FAM229B: variants seen among roughly 807,000 people sequenced by gnomAD.
FAM229B encodes family with sequence similarity 229 member B, also known as protein FAM229B.
FAM229B carries 2 observed loss-of-function variants against 6.7 expected under a neutral mutation model. That is an observed-to-expected ratio of 0.30 (90% confidence interval 0.12 to 0.94). The LOEUF is 0.94. Ranked by LOEUF, FAM229B falls within the 40% of genes least tolerant of loss-of-function variation. The pLI is 0.54. For missense variants in FAM229B, 93 were observed against 96.2 expected (o/e 0.97, Z 0.14); for synonymous variants, 29 against 34.0 (o/e 0.85, Z 0.51).
At chr6:112,089,150 GT>G (rs1777222860) in intron 1 of FAM229B, among the ~76,000 whole-genome samples, 1 of 152,156 alleles carries the variant, frequency 6.6e-6, no homozygotes. Context: ...AAATTTTGGG[GT>G]GCAGTTTTAT....
intron 2 of FAM229B, 108 bp downstream of exon 2, chr6:112,097,309 G>A (rs1777339293): frequency 6.6e-6 from 1 of 152,134 alleles, no homozygotes; most frequent in Non-Finnish European, 1.5e-5. Context: ...TCATCATTGA[G>A]CGAAACACTT....
Position 112,091,602 on chromosome 6 carries a change from A to AG in FAM229B, c.-176+3883dup, listed in dbSNP as rs1777257935. On this transcript the variant is annotated intron_variant, in intron 1 of 3. Coordinates refer to ENST00000368656, the MANE Select transcript of FAM229B (RefSeq NM_001033564.3). ...CCAAAGAACCAGGCTGTTTCCAAAT[A>AG]GCTGTGTCCCAGAACAAAACTTAAA... is the stretch of plus-strand genomic sequence containing the variant. Among the ~76,000 whole-genome samples the AG allele has an allele frequency of 2.6e-5, 4 of 152,310 alleles. No homozygotes were observed. In the South Asian group the frequency reaches 8.3e-4, roughly 32 times the overall value.
intron 2 of FAM229B, among the ~76,000 whole-genome samples, chr6:112,098,870 A>G (rs1554318922): frequency 6.6e-6 from 1 of 152,154 alleles, no homozygotes; most frequent in East Asian, 1.9e-4. Context: ...GCTATTTTGT[A>G]TTTTTTGCAA....
At chr6:112,091,000 C>T (rs111688474) in intron 1 of FAM229B, among the ~76,000 whole-genome samples, 7,547 of 152,172 alleles carry the variant, frequency 0.05, 619 homozygotes, top group African/African-American at 0.17. Flanking sequence ...TTTCTGATCT[C>T]TATCCCTGTC....
At chr6:112,097,945 C>G (rs1777348430) in intron 2 of FAM229B, among the ~76,000 whole-genome samples, 1 of 152,344 alleles carries the variant, frequency 6.6e-6, no homozygotes, top group African/African-American at 2.4e-5. Flanking sequence ...TTGCCTCTCT[C>G]TCCCACCAGG....
chr6:112,099,488 G>A, intron 3 of FAM229B, 80 bp downstream of exon 3: 1 of 1,372,168 alleles, frequency 7.3e-7, no homozygotes, highest in Admixed American at 2.5e-5. Context: ...TTCATTATTA[G>A]CAAGAAAAAA....
chr6:112,094,408 G>C (rs1777296694), intron 1 of FAM229B, among the ~76,000 whole-genome samples: 1 of 152,152 alleles, frequency 6.6e-6, no homozygotes, highest in Non-Finnish European at 1.5e-5. Flanking sequence ...TTTCCATGCT[G>C]TGGTTATGCT....
Position 112,100,790 on chromosome 6 carries a change from C to T in FAM229B, c.*3C>T, listed in dbSNP as rs1777388634. On this transcript the variant is annotated 3_prime_UTR_variant, in exon 4 of 4. Transcript: ENST00000368656. ...GCAAGGAAATGCATCCTAAATAGCACCATTAAGTCTTTTGTCAAGGTCTGA... is the reference window on the plus strand; with the variant it reads ...GCAAGGAAATGCATCCTAAATAGCATCATTAAGTCTTTTGTCAAGGTCTGA... 6.2e-7 allele frequency: 1 copy of T among 1,604,340 alleles called. No individual in the cohort carries two copies.
chr6:112,090,232 C>T (rs1174884190), intron 1 of FAM229B, among the ~76,000 whole-genome samples: 3 of 152,186 alleles, frequency 2.0e-5, no homozygotes, highest in Non-Finnish European at 4.4e-5. Flanking sequence ...TGCTTGCACA[C>T]CGCCATTTCT....
At chr6:112,091,904 G>C (rs781404305) in intron 1 of FAM229B, among the ~76,000 whole-genome samples, 6 of 152,068 alleles carry the variant, frequency 3.9e-5, no homozygotes, top group Admixed American at 3.9e-4. Context: ...ATCCCAATTA[G>C]ACTTCTAGAG....
chr6:112,098,701 G>A (rs943338621), intron 2 of FAM229B, among the ~76,000 whole-genome samples: 1 of 152,224 alleles, frequency 6.6e-6, no homozygotes. Context: ...CTTGGTGAAT[G>A]TGAAACTGTG....
chr6:112,098,026 G>C (rs868981296), intron 2 of FAM229B, among the ~76,000 whole-genome samples: 1 of 152,192 alleles, frequency 6.6e-6, no homozygotes, highest in Non-Finnish European at 1.5e-5. Flanking sequence ...TTTGCATCCA[G>C]TGGGTAAAGG....
In FAM229B at chr6:112,099,401, C is replaced by T; in HGVS notation, c.118C>T (p.Pro40Ser). ...SAACNGKEMSPTRQLRRCPGS... is the reference protein window; with the variant it reads ...SAACNGKEMSSTRQLRRCPGS... Reference sequence around the variant, plus strand: ...TGCCTGTAATGGGAAGGAGATGTCACCAACCAGGTAAAGTCTTCTGTCCTC... The same window carrying T: ...TGCCTGTAATGGGAAGGAGATGTCATCAACCAGGTAAAGTCTTCTGTCCTC... The change falls in exon 3 of 4, where the codon CCA becomes TCA. Residue 40 changes from proline to serine, a missense_variant. Transcript: ENST00000368656. The T allele has an allele frequency of 6.2e-7, 1 of 1,613,056 alleles. No individual in the cohort carries two copies. The highest frequency in any genetic ancestry group is 8.5e-7 in the Non-Finnish European group (1 of 1,179,548).
At chr6:112,100,355 T>TA (rs1777380214) in intron 3 of FAM229B, among the ~76,000 whole-genome samples, 1 of 152,264 alleles carries the variant, frequency 6.6e-6, no homozygotes, top group South Asian at 2.1e-4. Context: ...TATTGTCACT[T>TA]ATGTTTGTAA....
intron 1 of FAM229B, among the ~76,000 whole-genome samples, chr6:112,096,226 G>T (rs905635677): frequency 6.6e-6 from 1 of 152,142 alleles, no homozygotes; most frequent in South Asian, 2.1e-4. Flanking sequence ...GCAGCCCAGG[G>T]CTCAGGGAAC....
chr6:112,091,847 A>C (rs1777260921), intron 1 of FAM229B, among the ~76,000 whole-genome samples: 1 of 151,640 alleles, frequency 6.6e-6, no homozygotes, highest in African/African-American at 2.4e-5. Context: ...AGAGGACAGA[A>C]GGAAGCCCAG....
chr6:112,097,885 A>G (rs1410156288), intron 2 of FAM229B, among the ~76,000 whole-genome samples: 1 of 152,226 alleles, frequency 6.6e-6, no homozygotes, highest in Non-Finnish European at 1.5e-5. Flanking sequence ...GAGGGGGGAT[A>G]TTAAACATTT....
At position 112,087,833 on chromosome 6, in the gene FAM229B, G is replaced by A. The variant is rs370323919; in HGVS notation, c.-176+113G>A. ...AACACCCGGGGCGGTGGATCAGTCC[G>A]TTTATTCAGATTCCACGGGACGCTG... is the stretch of plus-strand genomic sequence containing the variant. On this transcript the variant is annotated intron_variant, in intron 1 of 3. Coordinates refer to ENST00000368656, the MANE Select transcript of FAM229B (RefSeq NM_001033564.3). The A allele has an allele frequency of 2.1e-4, 46 of 216,726 alleles. No individual in the cohort carries two copies. The South Asian group carries it at 6.7e-3, about 32-fold the overall frequency. 13.4% of individuals were successfully genotyped at this position (216,726 alleles called of 1,614,324 possible).
In FAM229B at chr6:112,097,439, A is replaced by C. The variant is rs182583932; in HGVS notation, c.-15+238A>C. ...TTAGGCATAGAATACTGTACTAGGCATAAGAAATAGTTGCACCATTTTAAA... is the reference window on the plus strand; with the variant it reads ...TTAGGCATAGAATACTGTACTAGGCCTAAGAAATAGTTGCACCATTTTAAA... On this transcript the variant is annotated intron_variant, in intron 2 of 3. Transcript: ENST00000368656. Among the ~76,000 whole-genome samples the C allele has an allele frequency of 9.8e-4, 149 of 152,354 alleles. 1 individual carries two copies. In the East Asian group the frequency reaches 0.024, roughly 25 times the overall value.
Sources: allele counts gnomAD v4.1 joint callset (sites outside exome capture counted in the v4.1 genomes callset), GRCh38; gene constraint gnomAD v4.1.1; transcripts MANE v1.5; gene names NCBI Gene and HGNC (gene_info 2026-07-23, HGNC 2026-07-21).